PPP4R2: variants seen among roughly 807,000 people sequenced by gnomAD.
PPP4R2 encodes serine/threonine-protein phosphatase 4 regulatory subunit 2.
PPP4R2 carries 13 observed loss-of-function variants against 47.2 expected under a neutral mutation model. The observed-to-expected ratio is 0.28, with a 90% CI of 0.18 to 0.44. PPP4R2 has a LOEUF of 0.44. Among genes scored for constraint, PPP4R2 ranks in the 20% least tolerant of loss-of-function variants. PPP4R2 has a pLI of 1.00. For synonymous variants in PPP4R2, 151 were observed against 163.3 expected, an observed-to-expected ratio of 0.92 and a Z score of 0.57; for missense variants, 421 against 491.2, an observed-to-expected ratio of 0.86 and a Z score of 1.35.
Position 73,064,979 on chromosome 3 carries a change from G to A in PPP4R2, c.766G>A (p.Val256Ile). 6.2e-7 allele frequency: 1 copy of A among 1,613,910 alleles called. No individual in the cohort carries two copies. The highest frequency in any genetic ancestry group is 8.5e-7 in the Non-Finnish European group (1 of 1,179,824). ...ACTCAGGTTTGACAAAGAAGGTGAA[G>A]TCAGAGAAACAGCCAGTCAAACGAC... ...KRLRFDKEGE[V>I]RETASQTTSS... The change falls in exon 8 of 9, where the codon GTC (valine) becomes ATC (isoleucine). Residue 256 changes from valine to isoleucine, a missense_variant. By Grantham distance (29) the Val-to-Ile change is conservative. Transcript: ENST00000356692.
At chr3:73,019,203 A>G (rs1012619077) in intron 2 of PPP4R2, among the ~76,000 whole-genome samples, 2 of 152,166 alleles carry the variant, frequency 1.3e-5, no homozygotes, top group South Asian at 4.1e-4. Flanking sequence ...CATATAGTCT[A>G]GGTGTATAGT....
intron 2 of PPP4R2, among the ~76,000 whole-genome samples, chr3:73,040,340 A>G (rs1158474575): frequency 6.6e-6 from 1 of 152,192 alleles, no homozygotes; most frequent in African/African-American, 2.4e-5. Flanking sequence ...AGGTTGAAAC[A>G]AAAGTCTTGA....
At position 73,065,760 on chromosome 3, in the gene PPP4R2, G is replaced by T. The variant is rs751571584; in HGVS notation, c.*38G>T. The stretch of plus-strand genomic sequence containing the variant: ...ATTTAGATGCAGTATTTTACATACA[G>T]TTCTGGTTTTAACACTGTATAAAAC... On this transcript the variant is annotated 3_prime_UTR_variant, in exon 9 of 9. Transcript: ENST00000356692. The T allele has an allele frequency of 7.0e-7, 1 of 1,431,902 alleles. No homozygotes were observed. The highest frequency in any genetic ancestry group is 9.5e-7 in the Non-Finnish European group (1 of 1,053,934). 88.7% of individuals were successfully genotyped at this position (1,431,902 alleles called of 1,614,324 possible). A position where few individuals can be genotyped will look rare whatever the true frequency, so the allele number is the denominator to read the frequency against.
chr3:72,998,147 T>C lies in PPP4R2; in HGVS notation c.105T>C (p.Thr35=), dbSNP rs755937511. The change falls in exon 2 of 9, where the codon ACT becomes ACC. Residue 35 remains threonine, a synonymous_variant. Transcript: ENST00000356692. The part of the protein sequence containing the change: ...LDQFLCHVAK[T]GETMIQWSQF... ...AGTTTCTTTGTCATGTAGCCAAGACTGGAGAAACAATGTGAGTTGAAAACA... is the reference window on the plus strand; with the variant it reads ...AGTTTCTTTGTCATGTAGCCAAGACCGGAGAAACAATGTGAGTTGAAAACA... The C allele has an allele frequency of 2.5e-6, 4 of 1,602,674 alleles. No homozygotes were observed. The highest frequency in any genetic ancestry group is 3.4e-6 in the Non-Finnish European group (4 of 1,174,766).
At chr3:73,015,627 C>A (rs1701813852) in intron 2 of PPP4R2, among the ~76,000 whole-genome samples, 1 of 151,646 alleles carries the variant, frequency 6.6e-6, no homozygotes, top group African/African-American at 2.4e-5. Context: ...AGGCGTGTGC[C>A]ACCATGCCCA....
At chr3:73,019,149 C>T (rs941080721) in intron 2 of PPP4R2, among the ~76,000 whole-genome samples, 1 of 152,134 alleles carries the variant, frequency 6.6e-6, no homozygotes, top group Admixed American at 6.6e-5. Flanking sequence ...CATACGAATA[C>T]TTACCATTAC....
chr3:73,013,764 G>C (rs1038093063), intron 2 of PPP4R2, among the ~76,000 whole-genome samples: 2 of 151,864 alleles, frequency 1.3e-5, no homozygotes, highest in African/African-American at 4.8e-5. Flanking sequence ...TCAGCCTCCC[G>C]AGTAGGTGGG....
intron 7 of PPP4R2, 78 bp downstream of exon 7, chr3:73,064,224 T>TAAGTA: frequency 8.1e-7 from 1 of 1,238,226 alleles, no homozygotes; most frequent in Non-Finnish European, 1.1e-6. Context: ...TATCACTTAC[T>TAAGTA]ATTTATAAGT....
At chr3:73,026,161 CATAA>C (rs1200878124) in intron 2 of PPP4R2, among the ~76,000 whole-genome samples, 2 of 152,176 alleles carry the variant, frequency 1.3e-5, no homozygotes, top group Non-Finnish European at 2.9e-5. Context: ...AGATTTAAGG[CATAA>C]ATAAATAATT....
chr3:72,996,991 A>G lies in PPP4R2; in HGVS notation c.-47A>G, dbSNP rs962684246. 3.9e-5 allele frequency: 52 copies of G among 1,338,446 alleles called. 1 individual carries two copies. The highest frequency in any genetic ancestry group is 1.2e-4 in the East Asian group (4 of 32,502). 82.9% of individuals were successfully genotyped at this position (1,338,446 alleles called of 1,614,324 possible). ...GTGGGGGGAGGCGTTCCGGTCCCCA[A>G]GAGACCCGCGGAGGGAGGCGGAGGC... On this transcript the variant is annotated 5_prime_UTR_variant, in exon 1 of 9. Transcript: ENST00000356692.
chr3:72,998,055 T>A (rs1164947582), intron 1 of PPP4R2, 22 bp from the exon 2 acceptor site: 1 of 1,565,142 alleles, frequency 6.4e-7, no homozygotes, highest in Non-Finnish European at 8.8e-7. Context: ...CTGATAACGT[T>A]TTTTTTTCTT....
chr3:73,025,671 A>G (rs1702049624), intron 2 of PPP4R2, among the ~76,000 whole-genome samples: 2 of 152,222 alleles, frequency 1.3e-5, no homozygotes, highest in Admixed American at 1.3e-4. Context: ...GAGCAAAGGA[A>G]TAGTAAAGTT....
chr3:73,037,365 C>T (rs762759300), intron 2 of PPP4R2, among the ~76,000 whole-genome samples: 27 of 152,226 alleles, frequency 1.8e-4, no homozygotes, highest in Non-Finnish European at 3.8e-4. Context: ...AATTTTGTGA[C>T]TTTGATCTTG....
At chr3:73,041,861 CTTTAGCCT>C (rs1187031572) in intron 2 of PPP4R2, among the ~76,000 whole-genome samples, 6 of 152,194 alleles carry the variant, frequency 3.9e-5, no homozygotes. Flanking sequence ...TGGAAAATAC[CTTTAGCCT>C]TTAGAGAATT....
chr3:73,042,061 T>TA (rs1200126418), intron 2 of PPP4R2, among the ~76,000 whole-genome samples: 1 of 152,190 alleles, frequency 6.6e-6, no homozygotes, highest in African/African-American at 2.4e-5. Context: ...TGAAGCTACT[T>TA]AGTTAATGGT....
At chr3:73,048,634 G>A (rs1014814279) in intron 3 of PPP4R2, among the ~76,000 whole-genome samples, 2 of 152,156 alleles carry the variant, frequency 1.3e-5, no homozygotes, top group African/African-American at 2.4e-5. Context: ...TTAGTTTGGC[G>A]TTAACTTAGG....
In PPP4R2 at chr3:73,066,772, G is replaced by A. The variant is rs1703004578; in HGVS notation, c.*1050G>A. 6.6e-6 allele frequency: 1 copy of A among 152,022 alleles called. No individual in the cohort carries two copies. 9.4% of individuals were successfully genotyped at this position (152,022 alleles called of 1,614,324 possible). A position where few individuals can be genotyped will look rare whatever the true frequency, so the allele number is the denominator to read the frequency against. On this transcript the variant is annotated 3_prime_UTR_variant, in exon 9 of 9. Coordinates refer to ENST00000356692, the MANE Select transcript of PPP4R2 (RefSeq NM_174907.4). ...AAGAATTAATATATTACTTTAGTAT[G>A]TACCTGAGCTAAATGACTGAAGCTT... is the stretch of plus-strand genomic sequence containing the variant.
At chr3:73,062,659 T>A (rs372516989) in intron 5 of PPP4R2, 1 of 1,613,958 alleles carries the variant, frequency 6.2e-7, no homozygotes, top group Non-Finnish European at 8.5e-7. Context: ...TTGATAGGCA[T>A]TGCGGCTGGA....
Position 73,045,718 on chromosome 3 carries a change from G to A in PPP4R2, c.117-1468G>A, listed in dbSNP as rs141190016. Reference sequence around the variant, plus strand: ...ATTTTTGTATTTTTAGTAAAGACAGGGTTTCACCATGTTGGCCAGGCTGAT... The same window carrying A: ...ATTTTTGTATTTTTAGTAAAGACAGAGTTTCACCATGTTGGCCAGGCTGAT... On this transcript the variant is annotated intron_variant, in intron 2 of 8. Coordinates refer to ENST00000356692, the MANE Select transcript of PPP4R2 (RefSeq NM_174907.4). Among the ~76,000 whole-genome samples, 641 of 151,984 alleles carry A rather than the reference G, an allele frequency of 4.2e-3. 9 individuals are homozygous for A. The highest frequency in any genetic ancestry group is 0.014 in the African/African-American group (576 of 41,454).
Sources: gnomAD v4.1 joint callset for allele counts (sites outside exome capture counted in the v4.1 genomes callset) on GRCh38, gnomAD v4.1.1 for gene constraint, MANE v1.5 for transcripts, NCBI Gene and HGNC (gene_info 2026-07-23, HGNC 2026-07-21) for gene names.